The following MAP2K6 variants were observed in gnomAD, a reference collection of about 807,000 sequenced individuals.
The protein encoded by MAP2K6 is mitogen-activated protein kinase kinase 6.
MAP2K6 carries 16 observed loss-of-function variants against 53.7 expected under a neutral mutation model. That is an observed-to-expected ratio of 0.30 (90% CI 0.20 to 0.45). The LOEUF (loss-of-function observed/expected upper bound fraction) is 0.45. Among genes scored for constraint, MAP2K6 ranks in the 20% least tolerant of loss-of-function variants. The probability of loss-of-function intolerance (pLI) is 1.00; values close to 1 mark genes in which losing one functional copy is unlikely to be tolerated. For synonymous variants in MAP2K6, 132 were observed against 143.1 expected (o/e 0.92, Z 0.55); for missense variants, 204 against 411.9 (o/e 0.50, Z 4.37).
In MAP2K6 at chr17:69,528,308, G is replaced by A. The variant is rs2716201; in HGVS notation, c.881+1599G>A. Among the ~76,000 whole-genome samples, 342 of 152,208 alleles carry A rather than the reference G, an allele frequency of 2.2e-3. 1 individual carries two copies. The highest frequency in any genetic ancestry group is 3.7e-3 in the Non-Finnish European group (250 of 68,006). On this transcript the variant is annotated intron_variant, in intron 10 of 11. Coordinates refer to ENST00000590474, the MANE Select transcript of MAP2K6 (RefSeq NM_002758.4). ...AGTTGTTTGTTTTTGTTTTTGGCTG[G>A]ATGACTAGAGAGGGGCTGGAGCCTC... is the stretch of plus-strand genomic sequence containing the variant.
At chr17:69,490,658 T>C (rs138735759) in intron 1 of MAP2K6, among the ~76,000 whole-genome samples, 1 of 152,352 alleles carries the variant, frequency 6.6e-6, no homozygotes, top group Non-Finnish European at 1.5e-5. Flanking sequence ...TTAATAATTT[T>C]CTGTAGCTGC....
intron 1 of MAP2K6, among the ~76,000 whole-genome samples, chr17:69,480,444 A>G (rs1701298638): frequency 6.6e-6 from 1 of 152,228 alleles, no homozygotes; most frequent in African/African-American, 2.4e-5. Context: ...CTTCTGGTCC[A>G]ACAGTATTTG....
chr17:69,512,348 T>G (rs1339694985), intron 2 of MAP2K6, among the ~76,000 whole-genome samples: 2 of 124,854 alleles, frequency 1.6e-5, no homozygotes, highest in South Asian at 2.9e-4. Context: ...TGTTTTTTTT[T>G]TTTTTTTTTG....
Position 69,526,581 on chromosome 17 carries a change from C to T in MAP2K6, c.753C>T (p.Ala251=), listed in dbSNP as rs1025691990. The T allele has an allele frequency of 6.2e-7, 1 of 1,613,598 alleles. No homozygotes were observed. The highest frequency in any genetic ancestry group is 8.5e-7 in the Non-Finnish European group (1 of 1,179,930). The change falls in exon 10 of 12, where the codon GCC becomes GCT. Residue 251 remains alanine, a synonymous_variant. Transcript: ENST00000590474. ...CTTCTTTTCTCCAGATTGAGTTGGC[C>T]ATCCTTCGATTTCCCTATGATTCAT... ...WSLGITMIEL[A]ILRFPYDSWG... is the part of the protein sequence containing the mutation.
intron 1 of MAP2K6, among the ~76,000 whole-genome samples, chr17:69,468,872 A>C (rs1227651538): frequency 1.3e-5 from 2 of 152,230 alleles, no homozygotes; most frequent in Non-Finnish European, 2.9e-5. Context: ...TTGAACAAGC[A>C]ATCCAGACAG....
rs1912010513 is a variant in MAP2K6 at position 69,549,528 on chromosome 17, T to TCTGG, written c.*7777_*7780dup. The stretch of plus-strand genomic sequence containing the variant: ...GAATGCTTTTGTGGTAAGGAACTGA[T>TCTGG]CTGGCCATTTTCATATAACAAAAAT... On this transcript the variant is annotated 3_prime_UTR_variant, in exon 12 of 12. Coordinates refer to ENST00000590474, the MANE Select transcript of MAP2K6 (RefSeq NM_002758.4). 6.6e-6 allele frequency: 1 copy of TCTGG among 152,184 alleles called. No individual in the cohort carries two copies. The highest frequency in any genetic ancestry group is 1.5e-5 in the Non-Finnish European group (1 of 68,040). 9.4% of individuals were successfully genotyped at this position (152,184 alleles called of 1,614,324 possible). A position where few individuals can be genotyped will look rare whatever the true frequency, so the allele number is the denominator to read the frequency against.
chr17:69,516,891 T>C lies in MAP2K6; in HGVS notation c.120T>C (p.Ser40=). The part of the protein sequence containing the change: ...PRDLDSKACI[S]IGNQNFEVKA... ...ATTTAGACTCCAAGGCTTGCATTTC[T>C]ATTGGAAATCAGGTAAGAAAAAATC... Residue 40 remains serine, a synonymous_variant, in exon 3 of 12, where the codon TCT becomes TCC. Transcript: ENST00000590474. 6.3e-7 allele frequency: 1 copy of C among 1,596,340 alleles called. No homozygotes were observed. Among genetic ancestry groups the C allele is most frequent in the Non-Finnish European group, 8.6e-7 (1 of 1,164,656 alleles).
At chr17:69,506,823 A>C (rs1304744958) in intron 2 of MAP2K6, among the ~76,000 whole-genome samples, 3 of 152,228 alleles carry the variant, frequency 2.0e-5, no homozygotes, top group Admixed American at 6.5e-5. Context: ...AGTAGAGTTG[A>C]GGGCTACTCT....
intron 1 of MAP2K6, among the ~76,000 whole-genome samples, chr17:69,440,434 T>C (rs935019487): frequency 1.3e-5 from 2 of 152,210 alleles, no homozygotes; most frequent in African/African-American, 4.8e-5. Context: ...TCATCTCCTC[T>C]TGTGACTTAC....
rs1911699750 is a variant in MAP2K6, at chr17:69,542,744, T to G, written c.*991T>G. ...CACAGAAAAAAATGGTGCCTTCTTC[T>G]GCGTTTGTCCCTCCTGCCATGTGTA... On this transcript the variant is annotated 3_prime_UTR_variant, in exon 12 of 12. Coordinates refer to ENST00000590474, the MANE Select transcript of MAP2K6 (RefSeq NM_002758.4). 1 of 152,236 alleles carries G rather than the reference T, an allele frequency of 6.6e-6. No individual in the cohort carries two copies. Among genetic ancestry groups the G allele is most frequent in the South Asian group, 2.1e-4 (1 of 4,836 alleles). 9.4% of individuals were successfully genotyped at this position (152,236 alleles called of 1,614,324 possible).
At chr17:69,437,009 T>G (rs1219677978) in intron 1 of MAP2K6, among the ~76,000 whole-genome samples, 6 of 152,198 alleles carry the variant, frequency 3.9e-5, no homozygotes, top group Non-Finnish European at 8.8e-5. Flanking sequence ...TTATTTTTAG[T>G]AGAGACGGGG....
intron 2 of MAP2K6, among the ~76,000 whole-genome samples, chr17:69,507,767 A>G (rs1909587160): frequency 6.6e-6 from 1 of 152,196 alleles, no homozygotes; most frequent in Non-Finnish European, 1.5e-5. Flanking sequence ...GCTATTATGA[A>G]TAAAGCTGTT....
intron 1 of MAP2K6, among the ~76,000 whole-genome samples, chr17:69,420,684 G>A (rs971945995): frequency 6.6e-6 from 1 of 152,152 alleles, no homozygotes; most frequent in African/African-American, 2.4e-5. Flanking sequence ...TTCTCTGTCC[G>A]TAAGTTCTTT....
chr17:69,470,686 A>G (rs1907957028), intron 1 of MAP2K6, among the ~76,000 whole-genome samples: 2 of 152,272 alleles, frequency 1.3e-5, no homozygotes, highest in Non-Finnish European at 1.5e-5. Flanking sequence ...GACCATACCA[A>G]CCTTGCTTCA....
rs568809976 is a variant in MAP2K6 at position 69,471,248 on chromosome 17, T to C, written c.17-34532T>C. On this transcript the variant is annotated intron_variant, in intron 1 of 11. Coordinates refer to ENST00000590474, the MANE Select transcript of MAP2K6 (RefSeq NM_002758.4). ...GCTCAAGCATTCAAAATGTCAACTT[T>C]ACAAAGTCATGAAATCAACCTAAGC... is the stretch of plus-strand genomic sequence containing the variant. 6.6e-5 allele frequency among the ~76,000 whole-genome samples: 10 copies of C among 152,308 alleles called. No homozygotes were observed. The South Asian group carries it at 1.9e-3, about 28-fold the overall frequency.
At chr17:69,522,676 C>T (rs1166746911) in intron 7 of MAP2K6, among the ~76,000 whole-genome samples, 1 of 152,104 alleles carries the variant, frequency 6.6e-6, no homozygotes, top group Non-Finnish European at 1.5e-5. Flanking sequence ...CTTCAGTAAC[C>T]TGCCCTGTGG....
chr17:69,420,428 C>T (rs746554790), intron 1 of MAP2K6, among the ~76,000 whole-genome samples: 1 of 152,102 alleles, frequency 6.6e-6, no homozygotes, highest in Non-Finnish European at 1.5e-5. Context: ...CTTTAAGATT[C>T]TTGTTAAGAA....
At chr17:69,518,260 T>C (rs569838861) in intron 4 of MAP2K6, among the ~76,000 whole-genome samples, 1 of 152,242 alleles carries the variant, frequency 6.6e-6, no homozygotes, top group East Asian at 1.9e-4. Context: ...AATGAAAATT[T>C]CCTTGATCAT....
At chr17:69,459,519 C>G (rs1017727780) in intron 1 of MAP2K6, among the ~76,000 whole-genome samples, 1 of 151,910 alleles carries the variant, frequency 6.6e-6, no homozygotes, top group African/African-American at 2.4e-5. Flanking sequence ...CGAGACCAGC[C>G]TGGCCAACAT....
Sources: allele counts gnomAD v4.1 joint callset (sites outside exome capture counted in the v4.1 genomes callset), GRCh38; gene constraint gnomAD v4.1.1; transcripts MANE v1.5; gene names NCBI Gene and HGNC (gene_info 2026-07-23, HGNC 2026-07-21).